NOVA1: variants seen among roughly 807,000 people sequenced by gnomAD.
NOVA1 encodes NOVA alternative splicing regulator 1.
NOVA1 carries 7 observed loss-of-function variants against 38.0 expected under a neutral mutation model. The ratio of observed to expected loss-of-function variants is 0.18; its 90% CI spans 0.10 to 0.35. The LOEUF is 0.35. Ranked by LOEUF, NOVA1 falls within the 10% of genes least tolerant of loss-of-function variation. NOVA1 has a pLI of 1.00. For synonymous variants in NOVA1, 270 were observed against 232.5 expected (o/e 1.16, Z -1.47); for missense variants, 460 against 616.0 (o/e 0.75, Z 2.68).
At chr14:26,497,228 C>G (rs1458037309) in intron 2 of NOVA1, among the ~76,000 whole-genome samples, 2 of 152,100 alleles carry the variant, frequency 1.3e-5, no homozygotes, top group Non-Finnish European at 2.9e-5. Context: ...ACCTAGGAAT[C>G]CACCTTACAA....
intron 4 of NOVA1, among the ~76,000 whole-genome samples, chr14:26,455,319 C>T (rs1883072404): frequency 6.6e-6 from 1 of 152,130 alleles, no homozygotes; most frequent in African/African-American, 2.4e-5. Context: ...AGTCTTACTA[C>T]TTTATCCTAT....
At chr14:26,573,511 A>G (rs1892619974) in intron 2 of NOVA1, among the ~76,000 whole-genome samples, 2 of 152,292 alleles carry the variant, frequency 1.3e-5, no homozygotes, top group South Asian at 4.1e-4. Context: ...TCATGAAAAA[A>G]TTTAAAAGAT....
At chr14:26,557,705 T>G (rs1372797588) in intron 2 of NOVA1, among the ~76,000 whole-genome samples, 2 of 152,006 alleles carry the variant, frequency 1.3e-5, no homozygotes, top group African/African-American at 2.4e-5. Context: ...AGTTTAACTG[T>G]TTCTTACAAA....
Position 26,515,340 on chromosome 14 carries a change from T to C in NOVA1, c.281-35197A>G, listed in dbSNP as rs141158758. 2.5e-3 allele frequency among the ~76,000 whole-genome samples: 382 copies of C among 152,134 alleles called. 1 individual carries two copies. The highest frequency in any genetic ancestry group is 8.7e-3 in the African/African-American group (361 of 41,580). On this transcript the variant is annotated intron_variant, in intron 2 of 4. Transcript: ENST00000539517. ...TACCTAAGTTTAAAATTTTCAAAAATGGGTTCTATACAGGAAATTTTCTAA... is the reference window on the plus strand; with the variant it reads ...TACCTAAGTTTAAAATTTTCAAAAACGGGTTCTATACAGGAAATTTTCTAA...
chr14:26,529,206 C>T (rs879450552), intron 2 of NOVA1, among the ~76,000 whole-genome samples: 5 of 151,308 alleles, frequency 3.3e-5, no homozygotes, highest in Admixed American at 1.3e-4. Context: ...GGTGTAATCT[C>T]GGCTCACAGC....
intron 2 of NOVA1, among the ~76,000 whole-genome samples, chr14:26,504,724 A>G (rs1646714606): frequency 6.6e-6 from 1 of 152,102 alleles, no homozygotes. Flanking sequence ...AGTATGCCCA[A>G]TACACAGTAG....
chr14:26,567,640 A>G (rs1166945932), intron 2 of NOVA1, among the ~76,000 whole-genome samples: 3 of 152,032 alleles, frequency 2.0e-5, no homozygotes, highest in African/African-American at 7.2e-5. Flanking sequence ...GAGCATCCCA[A>G]TCTGGAGAAC....
intron 2 of NOVA1, 65 bp downstream of exon 2, chr14:26,595,340 CACACA>C (rs1446474259): frequency 6.8e-7 from 1 of 1,461,324 alleles, no homozygotes; most frequent in African/African-American, 1.4e-5. Flanking sequence ...TTCAAGACAG[CACACA>C]ACACAAGTAG....
intron 2 of NOVA1, among the ~76,000 whole-genome samples, chr14:26,559,759 AG>A (rs1891707880): frequency 6.6e-6 from 1 of 152,142 alleles, no homozygotes; most frequent in African/African-American, 2.4e-5. Context: ...AGGGATAAAA[AG>A]AGGTTGATTA....
chr14:26,531,481 C>T (rs1196468026), intron 2 of NOVA1, among the ~76,000 whole-genome samples: 1 of 152,104 alleles, frequency 6.6e-6, no homozygotes, highest in Non-Finnish European at 1.5e-5. Flanking sequence ...GTGGCACATG[C>T]CTGTAATCCC....
intron 2 of NOVA1, among the ~76,000 whole-genome samples, chr14:26,579,183 G>A (rs754334320): frequency 2.1e-5 from 3 of 145,830 alleles, no homozygotes; most frequent in Non-Finnish European, 4.5e-5. Context: ...TCAGCCTCCC[G>A]AGTAGGTGGG....
At chr14:26,476,481 AC>A in intron 3 of NOVA1, among the ~76,000 whole-genome samples, 1 of 152,282 alleles carries the variant, frequency 6.6e-6, no homozygotes, top group Middle Eastern at 3.4e-3. Context: ...CTCGACTGCA[AC>A]ATAAATGTCC....
chr14:26,477,203 GAACA>G (rs1885057522), intron 3 of NOVA1, among the ~76,000 whole-genome samples: 2 of 152,052 alleles, frequency 1.3e-5, no homozygotes, highest in South Asian at 2.1e-4. Context: ...CATGAATAAT[GAACA>G]AACAAATTAA....
At position 26,597,420 on chromosome 14, in the gene NOVA1, G is replaced by A. The variant is rs1894266182; in HGVS notation, c.17C>T (p.Pro6Leu). The A allele has an allele frequency of 1.6e-6, 2 of 1,290,210 alleles. No individual in the cohort carries two copies. The highest frequency in any genetic ancestry group is 2.9e-5 in the East Asian group (1 of 35,020). The allele number at this position is 1,290,210 out of a possible 1,614,324, so 79.9% of individuals were successfully genotyped here. A position where few individuals can be genotyped will look rare whatever the true frequency, so the allele number is the denominator to read the frequency against. The change falls in exon 1 of 5, where the codon CCC (proline) becomes CTC (leucine). Residue 6 changes from proline (P) to leucine (L), a missense_variant. Physicochemically the swap from Pro to Leu is moderately conservative, Grantham distance 98. Transcript: ENST00000539517. MMAAA[P>L]IQQNGTHTGV... ...AGTGTGGGTCCCGTTCTGCTGGATG[G>A]GAGCTGCCGCCATCATGTTTGCAGT...
intron 2 of NOVA1, among the ~76,000 whole-genome samples, chr14:26,495,094 T>C (rs1566476752): frequency 1.3e-5 from 2 of 151,432 alleles, no homozygotes; most frequent in East Asian, 1.9e-4. Flanking sequence ...GCCACACTTA[T>C]TCTCTCTTAG....
chr14:26,478,959 C>A (rs191286149), intron 3 of NOVA1: 2 of 151,668 alleles, frequency 1.3e-5, no homozygotes, highest in African/African-American at 4.8e-5. Flanking sequence ...TTTCATTATT[C>A]AACATTATAT....
chr14:26,515,891 C>A (rs1888428362), intron 2 of NOVA1, among the ~76,000 whole-genome samples: 1 of 151,944 alleles, frequency 6.6e-6, no homozygotes, highest in Non-Finnish European at 1.5e-5. Flanking sequence ...TACATGTATA[C>A]ATAAAAAAGT....
At chr14:26,543,079 G>C (rs911719059) in intron 2 of NOVA1, among the ~76,000 whole-genome samples, 1 of 152,100 alleles carries the variant, frequency 6.6e-6, no homozygotes, top group Non-Finnish European at 1.5e-5. Flanking sequence ...AAGTGCTTGA[G>C]GTGATGGATA....
rs148926077 is a variant in NOVA1 at position 26,461,895 on chromosome 14, G to A, written c.519+10425C>T. On this transcript the variant is annotated intron_variant, in intron 4 of 4. Transcript: ENST00000539517. ...TGGGAGGTTCAGGTGAGCCGAGATC[G>A]CATCATTGCACTCCAGCCTGGGCAA... 3.3e-3 allele frequency among the ~76,000 whole-genome samples: 503 copies of A among 151,802 alleles called. 19 individuals are homozygous for A. In the East Asian group the frequency reaches 0.076, roughly 23 times the overall value.
Sources: allele counts gnomAD v4.1 joint callset (sites outside exome capture counted in the v4.1 genomes callset), GRCh38; gene constraint gnomAD v4.1.1; transcripts MANE v1.5; gene names NCBI Gene and HGNC (gene_info 2026-07-23, HGNC 2026-07-21).